Variants in MED13L observed in about 807,000 individuals in gnomAD.
MED13L encodes mediator complex subunit 13L.
Under a neutral mutation model 220.9 loss-of-function variants are expected in MED13L, and 7 were observed. The ratio of observed to expected loss-of-function variants is 0.03; its 90% confidence interval spans 0.02 to 0.06. The LOEUF is 0.06. Ranked by LOEUF, MED13L falls within the 10% of genes least tolerant of loss-of-function variation. MED13L has a pLI of 1.00. For synonymous variants in MED13L, 1,011 were observed against 1,015.2 expected (o/e 1.00, Z 0.08); for missense variants, 1,965 against 2,760.5 (o/e 0.71, Z 6.46).
At position 115,959,160 on chromosome 12, in the gene MED13L, A is replaced by G. The variant is rs1875604061; in HGVS notation, c.*2106T>C. ...CAGAAGTACATAATAAGATTTTTTA[A>G]AATCTATTGCCATTCATTTATTTTT... On this transcript the variant is annotated 3_prime_UTR_variant, in exon 31 of 31. Transcript: ENST00000281928. The G allele has an allele frequency of 6.6e-6, 1 of 152,624 alleles. No individual in the cohort carries two copies. Among genetic ancestry groups the G allele is most frequent in the South Asian group, 2.1e-4 (1 of 4,838 alleles). The allele number at this position is 152,624 out of a possible 1,614,324, so 9.5% of individuals were successfully genotyped here.
intron 3 of MED13L, among the ~76,000 whole-genome samples, chr12:116,106,832 C>T (rs112126886): frequency 3.0e-3 from 425 of 141,276 alleles, no homozygotes; most frequent in African/African-American, 0.011. Flanking sequence ...GGCAACGGAG[C>T]GAGACTCTGT....
chr12:116,173,249 A>G (rs1003003693), intron 2 of MED13L, among the ~76,000 whole-genome samples: 3 of 152,210 alleles, frequency 2.0e-5, no homozygotes, highest in African/African-American at 4.8e-5. Context: ...TTAAAAAATG[A>G]CATTACTACT....
At chr12:115,975,031 C>A in intron 25 of MED13L, 140 bp downstream of exon 25, 2 of 922,502 alleles carry the variant, frequency 2.2e-6, no homozygotes, top group Non-Finnish European at 3.4e-6. Flanking sequence ...ACTGGTTTAT[C>A]CTGTACATAT....
intron 1 of MED13L, among the ~76,000 whole-genome samples, chr12:116,240,556 G>A (rs528620954): frequency 2.0e-4 from 30 of 147,550 alleles, no homozygotes; most frequent in African/African-American, 6.5e-4. Context: ...TTTTGGAGAC[G>A]GAGTCTCGCC....
intron 2 of MED13L, among the ~76,000 whole-genome samples, chr12:116,141,997 G>A (rs1400201717): frequency 1.3e-5 from 2 of 151,794 alleles, no homozygotes; most frequent in Non-Finnish European, 2.9e-5. Flanking sequence ...TACTCTACCC[G>A]ATGACCTTTG....
At chr12:116,084,223 T>C (rs1166502225) in intron 4 of MED13L, among the ~76,000 whole-genome samples, 1 of 152,216 alleles carries the variant, frequency 6.6e-6, no homozygotes, top group Non-Finnish European at 1.5e-5. Context: ...GGTGAGCCTT[T>C]CCACTCTTAA....
intron 2 of MED13L, among the ~76,000 whole-genome samples, chr12:116,119,497 A>G (rs1874810441): frequency 6.6e-6 from 1 of 151,826 alleles, no homozygotes; most frequent in Admixed American, 6.6e-5. Context: ...GAAGCTAAGA[A>G]CTCTGATGAA....
At chr12:116,271,526 T>G (rs1394622231) in intron 1 of MED13L, among the ~76,000 whole-genome samples, 1 of 149,852 alleles carries the variant, frequency 6.7e-6, no homozygotes, top group African/African-American at 2.5e-5. Flanking sequence ...CCCGGGAGGC[T>G]GAGGCAGGAG....
intron 2 of MED13L, among the ~76,000 whole-genome samples, chr12:116,222,756 C>G (rs1868564543): frequency 6.6e-6 from 1 of 152,182 alleles, no homozygotes; most frequent in Non-Finnish European, 1.5e-5. Flanking sequence ...AAAAATGCCA[C>G]TTTAAAATCA....
intron 27 of MED13L, among the ~76,000 whole-genome samples, chr12:115,969,853 CATTATA>C (rs1356617200): frequency 2.0e-5 from 3 of 152,060 alleles, no homozygotes; most frequent in Non-Finnish European, 2.9e-5. Context: ...TCCTCCCCAA[CATTATA>C]AAAGTAAGGT....
chr12:116,057,539 C>A (rs1021659525), intron 4 of MED13L, among the ~76,000 whole-genome samples: 4 of 151,148 alleles, frequency 2.6e-5, no homozygotes, highest in African/African-American at 9.7e-5. Context: ...ACTTTCTAGG[C>A]AATGGTCTAA....
At chr12:116,158,356 G>A (rs1473568220) in intron 2 of MED13L, among the ~76,000 whole-genome samples, 1 of 152,246 alleles carries the variant, frequency 6.6e-6, no homozygotes, top group South Asian at 2.1e-4. Context: ...AATTCTGGAA[G>A]AAGATCGGTT....
At position 116,164,662 on chromosome 12, in the gene MED13L, T is replaced by C. The variant is rs148976381; in HGVS notation, c.311-53150A>G. 2.0e-3 allele frequency among the ~76,000 whole-genome samples: 306 copies of C among 152,298 alleles called. 2 individuals are homozygous for C. The highest frequency in any genetic ancestry group is 6.5e-3 in the African/African-American group (271 of 41,568). On this transcript the variant is annotated intron_variant, in intron 2 of 30. Coordinates refer to ENST00000281928, the MANE Select transcript of MED13L (RefSeq NM_015335.5). ...GTATAATTTCACACAGCACCATGGATTGACCACTGACAATTACACACACGA... is the reference window on the plus strand; with the variant it reads ...GTATAATTTCACACAGCACCATGGACTGACCACTGACAATTACACACACGA...
rs556554860 is a variant in MED13L, at chr12:116,147,274, T to TA, written c.311-35763dup. Among the ~76,000 whole-genome samples the TA allele has an allele frequency of 1.6e-4, 25 of 152,232 alleles. No homozygotes were observed. The East Asian group carries it at 4.6e-3, about 28-fold the overall frequency. On this transcript the variant is annotated intron_variant, in intron 2 of 30. Transcript: ENST00000281928. ...TGATATCATTTATCATTTCAAATAG[T>TA]AAAAAAATAAATATTAACACCTGAC...
At chr12:116,167,100 C>G (rs1346623703) in intron 2 of MED13L, among the ~76,000 whole-genome samples, 2 of 151,478 alleles carry the variant, frequency 1.3e-5, no homozygotes, top group African/African-American at 2.4e-5. Flanking sequence ...TTTAAAGAAA[C>G]AAAAGATTAA....
chr12:116,241,614 G>C (rs1389843016), intron 1 of MED13L, among the ~76,000 whole-genome samples: 1 of 152,162 alleles, frequency 6.6e-6, no homozygotes, highest in African/African-American at 2.4e-5. Flanking sequence ...TATGCTCTCA[G>C]TGGCAAAGGG....
intron 2 of MED13L, among the ~76,000 whole-genome samples, chr12:116,165,064 A>T (rs1439258796): frequency 1.3e-5 from 2 of 152,164 alleles, no homozygotes; most frequent in East Asian, 3.9e-4. Flanking sequence ...CTGCTTTTGG[A>T]TTATGAGTCA....
chr12:116,147,479 T>C (rs1877623529), intron 2 of MED13L, among the ~76,000 whole-genome samples: 1 of 152,228 alleles, frequency 6.6e-6, no homozygotes, highest in Admixed American at 6.5e-5. Context: ...GTTTTACTGT[T>C]ACTGTTATCC....
intron 2 of MED13L, among the ~76,000 whole-genome samples, chr12:116,210,461 T>A (rs1593168849): frequency 6.6e-6 from 1 of 150,630 alleles, no homozygotes; most frequent in South Asian, 2.1e-4. Context: ...TTTCGTGGAA[T>A]ACATATGGTA....
Sources: allele counts gnomAD v4.1 joint callset (sites outside exome capture counted in the v4.1 genomes callset), GRCh38; gene constraint gnomAD v4.1.1; transcripts MANE v1.5; gene names NCBI Gene and HGNC (gene_info 2026-07-23, HGNC 2026-07-21).